Variants in CCNB2 observed in about 807,000 individuals in gnomAD.
CCNB2 encodes the protein cyclin B2.
In CCNB2, 39 loss-of-function variants were observed where a neutral mutation model predicts 51.1. That is an observed-to-expected ratio of 0.76 (90% CI 0.59 to 1.00). CCNB2 has a LOEUF of 1.00. CCNB2 is among the 50% of genes least tolerant of loss of function. The pLI is 0.00. For synonymous variants in CCNB2, 174 were observed against 165.5 expected (o/e 1.05, Z -0.40); for missense variants, 472 against 470.3 (o/e 1.00, Z -0.03).
intron 1 of CCNB2, among the ~76,000 whole-genome samples, 187 bp from the exon 2 acceptor site, chr15:59,107,135 C>G (rs757985610): frequency 6.6e-6 from 1 of 152,078 alleles, no homozygotes; most frequent in African/African-American, 2.4e-5. Context: ...GGTGATTTGC[C>G]TAATTTAGAG....
chr15:59,112,188 C>T (rs1331642905), intron 3 of CCNB2, among the ~76,000 whole-genome samples: 3 of 151,950 alleles, frequency 2.0e-5, no homozygotes, highest in African/African-American at 7.2e-5. Flanking sequence ...GCATGCATGC[C>T]TGCATAGTTC....
At chr15:59,117,691 T>C (rs28406885) in intron 7 of CCNB2, among the ~76,000 whole-genome samples, 7,474 of 152,250 alleles carry the variant, frequency 0.049, 428 homozygotes, top group African/African-American at 0.14. Context: ...AGGCTAGCCT[T>C]GAACTCGGCT....
At chr15:59,124,646 T>C (rs28383561) in intron 8 of CCNB2, 121 bp from the exon 9 acceptor site, 8,583 of 730,222 alleles carry the variant, frequency 0.012, 157 homozygotes, top group East Asian at 0.047. Context: ...GCTTCAGCGA[T>C]TGGGCATCAT....
intron 8 of CCNB2, chr15:59,124,381 CTT>C (rs1193925825): frequency 4.7e-6 from 1 of 211,752 alleles, no homozygotes. Flanking sequence ...TTGCCACCCT[CTT>C]TTATTGTCTT....
At chr15:59,121,765 C>G (rs2079302704) in intron 7 of CCNB2, among the ~76,000 whole-genome samples, 1 of 151,898 alleles carries the variant, frequency 6.6e-6, no homozygotes, top group Non-Finnish European at 1.5e-5. Context: ...AACTCTGTCT[C>G]TATTAAAAAT....
chr15:59,116,893 A>C lies in CCNB2; in HGVS notation c.801A>C (p.Leu267=), dbSNP rs779617648. 13 of 1,613,990 alleles carry C rather than the reference A, an allele frequency of 8.1e-6. No homozygotes were observed. In the South Asian group the frequency reaches 1.3e-4, roughly 16 times the overall value. The change falls in exon 6 of 9, where the codon CTA becomes CTC. Residue 267 remains leucine, a synonymous_variant. Transcript: ENST00000288207. ...LKFELGRPLP[L]HFLRRASKAG... ...TTGAGTTGGGTCGACCCTTGCCACT[A>C]CACTTCTTAAGGCGAGCATCAAAAG...
chr15:59,124,652 AT>A, intron 8 of CCNB2, 114 bp from the exon 9 acceptor site: 1 of 756,676 alleles, frequency 1.3e-6, no homozygotes, highest in Non-Finnish European at 2.3e-6. Context: ...GCGATTGGGC[AT>A]CATCAATGTG....
At chr15:59,110,238 T>C (rs1785462768) in intron 3 of CCNB2, among the ~76,000 whole-genome samples, 1 of 152,206 alleles carries the variant, frequency 6.6e-6, no homozygotes, top group African/African-American at 2.4e-5. Context: ...CCTGGCAAAA[T>C]TGAGGCCACT....
chr15:59,108,227 T>C (rs2140285555), intron 3 of CCNB2, among the ~76,000 whole-genome samples: 1 of 151,926 alleles, frequency 6.6e-6, no homozygotes. Context: ...CGTTAAGGAG[T>C]CTGAAAGACT....
At chr15:59,122,131 G>C (rs2079304756) in intron 7 of CCNB2, among the ~76,000 whole-genome samples, 1 of 150,096 alleles carries the variant, frequency 6.7e-6, no homozygotes, top group African/African-American at 2.4e-5. Flanking sequence ...AAGAAAAAAA[G>C]AGATTAAATT....
At chr15:59,122,759 C>T (rs2079308654) in intron 7 of CCNB2, among the ~76,000 whole-genome samples, 1 of 152,022 alleles carries the variant, frequency 6.6e-6, no homozygotes, top group African/African-American at 2.4e-5. Flanking sequence ...TGGTCTGAAA[C>T]TCTTAAGCTC....
chr15:59,114,433 T>G lies in CCNB2; in HGVS notation c.268-11T>G. 6.4e-7 allele frequency: 1 copy of G among 1,563,992 alleles called. No individual in the cohort carries two copies. Among genetic ancestry groups the G allele is most frequent in the Non-Finnish European group, 8.6e-7 (1 of 1,156,892 alleles). On this transcript the variant is annotated splice_polypyrimidine_tract_variant and intron_variant, in intron 3 of 8. Coordinates refer to ENST00000288207, the MANE Select transcript of CCNB2 (RefSeq NM_004701.4). ...GGCTGCTCCTACATGTGCCTAAATT[T>G]GTTGGTGTAGGGTCCTTCTCCCACA...
In CCNB2 at chr15:59,116,595, C is replaced by T. The variant is rs1266132380; in HGVS notation, c.598-95C>T. 6 of 753,380 alleles carry T rather than the reference C, an allele frequency of 8.0e-6. No individual in the cohort carries two copies. In the Admixed American group the frequency reaches 1.2e-4, roughly 15 times the overall value. The allele number at this position is 753,380 out of a possible 1,614,324, so 46.7% of individuals were successfully genotyped here. Reference sequence around the variant, plus strand: ...TGCCCTTATGAGCAAAGACAATGTGCACTTTTCCAGGACTTGGTTTCCTTT... The same window carrying T: ...TGCCCTTATGAGCAAAGACAATGTGTACTTTTCCAGGACTTGGTTTCCTTT... On this transcript the variant is annotated intron_variant, in intron 5 of 8. Coordinates refer to ENST00000288207, the MANE Select transcript of CCNB2 (RefSeq NM_004701.4).
intron 1 of CCNB2, 57 bp downstream of exon 1, chr15:59,105,349 T>G: frequency 3.9e-6 from 6 of 1,526,524 alleles, no homozygotes; most frequent in Non-Finnish European, 5.3e-6. Context: ...ACAGCTCCCC[T>G]GTCGCTTCTC....
chr15:59,121,756 ACT>A (rs1406755024), intron 7 of CCNB2, among the ~76,000 whole-genome samples: 12 of 151,370 alleles, frequency 7.9e-5, no homozygotes, highest in Admixed American at 2.0e-4. Context: ...ACATGGTAAA[ACT>A]CTGTCTCTAT....
chr15:59,123,495 C>G (rs368721059), intron 7 of CCNB2, 22 bp from the exon 8 acceptor site: 1 of 1,427,846 alleles, frequency 7.0e-7, no homozygotes, highest in Non-Finnish European at 9.9e-7. Context: ...TCATGTCTGT[C>G]TGTCTGCTTC....
In CCNB2 at chr15:59,105,670, C is replaced by A. The variant is rs80261432; in HGVS notation, c.24+378C>A. Among the ~76,000 whole-genome samples, 24 of 152,318 alleles carry A rather than the reference C, an allele frequency of 1.6e-4. No homozygotes were observed. The East Asian group carries it at 4.6e-3, about 29-fold the overall frequency. On this transcript the variant is annotated intron_variant, in intron 1 of 8. Coordinates refer to ENST00000288207, the MANE Select transcript of CCNB2 (RefSeq NM_004701.4). ...CTGGGATTTCCCTCCCCCTTTCTTA[C>A]AACTCCTTGCCAACTAAGGGACCTG...
intron 3 of CCNB2, among the ~76,000 whole-genome samples, chr15:59,114,199 A>G (rs2079268863): frequency 6.6e-6 from 1 of 152,184 alleles, no homozygotes; most frequent in East Asian, 1.9e-4. Context: ...AGATTATATA[A>G]GGTCTGTAGG....
rs150573378 is a variant in CCNB2 at position 59,109,065 on chromosome 15, G to C, written c.267+1395G>C. Among the ~76,000 whole-genome samples, 663 of 152,212 alleles carry C rather than the reference G, an allele frequency of 4.4e-3. 6 individuals are homozygous for C. The highest frequency in any genetic ancestry group is 0.015 in the African/African-American group (640 of 41,550). On this transcript the variant is annotated intron_variant, in intron 3 of 8. Transcript: ENST00000288207. The stretch of plus-strand genomic sequence containing the variant: ...TTGGCAGTATATGTATATATTTTTG[G>C]GGGGGGACGGAGTCTTGCTCTGTCG...
Sources: allele counts gnomAD v4.1 joint callset (sites outside exome capture counted in the v4.1 genomes callset), GRCh38; gene constraint gnomAD v4.1.1; transcripts MANE v1.5; gene names NCBI Gene and HGNC (gene_info 2026-07-23, HGNC 2026-07-21).